The following SGK1 variants were observed in gnomAD, a reference collection of about 807,000 sequenced individuals.
SGK1 encodes the protein serum/glucocorticoid regulated kinase 1.
Under a neutral mutation model 64.2 loss-of-function variants are expected in SGK1, and 26 were observed. That is an observed-to-expected ratio of 0.40 (90% CI 0.30 to 0.56). The LOEUF (loss-of-function observed/expected upper bound fraction) is 0.56. Ranked by LOEUF, SGK1 falls within the 20% of genes least tolerant of loss-of-function variation. SGK1 has a pLI of 0.38. For missense variants in SGK1, 519 were observed against 645.6 expected (o/e 0.80, Z 2.12); for synonymous variants, 265 against 239.7 (o/e 1.11, Z -0.98).
intron 1 of SGK1, chr6:134,297,361 C>T (rs1345020196): frequency 3.3e-5 from 31 of 929,650 alleles, no homozygotes; most frequent in Admixed American, 5.3e-5. Context: ...GCCTCCAGCT[C>T]AGACAGCTTG....
At chr6:134,251,319 CTTCTT>C (rs1776602432) in intron 2 of SGK1, among the ~76,000 whole-genome samples, 1 of 152,056 alleles carries the variant, frequency 6.6e-6, no homozygotes, top group African/African-American at 2.4e-5. Flanking sequence ...CATACAAAGT[CTTCTT>C]TTAAAATTTT....
intron 1 of SGK1, among the ~76,000 whole-genome samples, chr6:134,268,606 C>CT (rs1320609724): frequency 6.9e-6 from 1 of 145,130 alleles, no homozygotes; most frequent in Non-Finnish European, 1.5e-5. Flanking sequence ...GCCTGTAGTC[C>CT]CAGCTACTCG....
intron 1 of SGK1, among the ~76,000 whole-genome samples, chr6:134,286,137 A>G (rs1209340138): frequency 1.3e-5 from 2 of 152,234 alleles, no homozygotes; most frequent in African/African-American, 4.8e-5. Flanking sequence ...CTATTTATAT[A>G]CAGGTGGTGG....
chr6:134,297,701 C>A lies in SGK1; in HGVS notation c.69+19691G>T, dbSNP rs1421299712. On this transcript the variant is annotated intron_variant, in intron 1 of 13. Transcript: ENST00000367858. Reference sequence around the variant, plus strand: ...TATTTTTAGTAGAGACAGGGTTTCACCCTGTTGGTCAGGCTGGTCTTGAAC... The same window carrying A: ...TATTTTTAGTAGAGACAGGGTTTCAACCTGTTGGTCAGGCTGGTCTTGAAC... The A allele has an allele frequency of 1.6e-5, 7 of 445,654 alleles. No individual in the cohort carries two copies. In the East Asian group the frequency reaches 3.2e-4, roughly 20 times the overall value. The allele number at this position is 445,654 out of a possible 1,614,324, so 27.6% of individuals were successfully genotyped here.
Position 134,317,701 on chromosome 6 carries a change from T to A in SGK1, c.-241A>T, listed in dbSNP as rs1582783569. 2 of 528,358 alleles carry A rather than the reference T, an allele frequency of 3.8e-6. No individual in the cohort carries two copies. The highest frequency in any genetic ancestry group is 2.5e-5 in the South Asian group (1 of 39,676). The allele number at this position is 528,358 out of a possible 1,614,324, so 32.7% of individuals were successfully genotyped here. On this transcript the variant is annotated 5_prime_UTR_variant, in exon 1 of 14. Transcript: ENST00000367858. ...CCTTCCATCATTGCTCCGAAACATA[T>A]GCATCACCGCTGCAGGACCCTGGGG...
intron 1 of SGK1, among the ~76,000 whole-genome samples, chr6:134,290,396 A>G (rs564812101): frequency 1.3e-5 from 2 of 151,654 alleles, no homozygotes; most frequent in African/African-American, 4.8e-5. Flanking sequence ...TGTGGAGTGT[A>G]CTTTTGTTTC....
chr6:134,181,214 A>G (rs1324430694), intron 3 of SGK1, among the ~76,000 whole-genome samples: 1 of 152,228 alleles, frequency 6.6e-6, no homozygotes, highest in Non-Finnish European at 1.5e-5. Flanking sequence ...CTTTATTTAC[A>G]AAGGGCCAAT....
chr6:134,296,220 A>C (rs1270611704), intron 1 of SGK1, among the ~76,000 whole-genome samples: 1 of 152,202 alleles, frequency 6.6e-6, no homozygotes, highest in Non-Finnish European at 1.5e-5. Flanking sequence ...CTGAGTTGTG[A>C]GTCACAAGGG....
chr6:134,281,564 C>G (rs1365185740), intron 1 of SGK1, among the ~76,000 whole-genome samples: 1 of 150,120 alleles, frequency 6.7e-6, no homozygotes, highest in Non-Finnish European at 1.5e-5. Context: ...GTCTCCCAGG[C>G]AGGAGTGCAG....
intron 1 of SGK1, among the ~76,000 whole-genome samples, chr6:134,295,179 T>C (rs1007779444): frequency 9.9e-5 from 15 of 152,154 alleles, no homozygotes; most frequent in Admixed American, 6.5e-5. Flanking sequence ...AGCTGGATAG[T>C]GCAGTTGGGG....
At chr6:134,245,213 G>T (rs1776508894) in intron 2 of SGK1, among the ~76,000 whole-genome samples, 1 of 152,232 alleles carries the variant, frequency 6.6e-6, no homozygotes, top group Admixed American at 6.5e-5. Context: ...GTGGACTAAA[G>T]GTGTGAGGCA....
intron 3 of SGK1, among the ~76,000 whole-genome samples, chr6:134,206,860 C>T (rs973701282): frequency 1.4e-5 from 2 of 142,112 alleles, no homozygotes; most frequent in African/African-American, 5.2e-5. Context: ...GAGCAAGACT[C>T]CGTCTCCAGA....
At chr6:134,249,146 A>G (rs1763522) in intron 2 of SGK1, among the ~76,000 whole-genome samples, 150,855 of 152,338 alleles carry the variant, frequency 0.99, 74,694 homozygotes, top group Middle Eastern at 1. Flanking sequence ...AACAAGGTCA[A>G]AGTCAGAAAC....
At chr6:134,285,197 G>A (rs374361222) in intron 1 of SGK1, among the ~76,000 whole-genome samples, 2 of 152,210 alleles carry the variant, frequency 1.3e-5, no homozygotes, top group East Asian at 1.9e-4. Context: ...GGTGGCTCAC[G>A]CCTGTAATCC....
intron 1 of SGK1, among the ~76,000 whole-genome samples, chr6:134,286,977 T>G (rs1316088064): frequency 6.6e-6 from 1 of 152,120 alleles, no homozygotes; most frequent in Non-Finnish European, 1.5e-5. Flanking sequence ...CTCTACAGTA[T>G]TTTCTTGGAG....
At chr6:134,265,073 G>A (rs1582751289) in intron 1 of SGK1, among the ~76,000 whole-genome samples, 1 of 152,334 alleles carries the variant, frequency 6.6e-6, no homozygotes, top group East Asian at 1.9e-4. Context: ...TATGAAGACT[G>A]TGAAAATATG....
intron 5 of SGK1, 114 bp downstream of exon 5, chr6:134,173,891 G>T: frequency 2.8e-6 from 2 of 712,090 alleles, no homozygotes; most frequent in Non-Finnish European, 4.8e-6. Flanking sequence ...CCATAATGAA[G>T]CATTCCTGCC....
At chr6:134,293,755 C>G (rs1203322824) in intron 1 of SGK1, among the ~76,000 whole-genome samples, 1 of 152,110 alleles carries the variant, frequency 6.6e-6, no homozygotes, top group Non-Finnish European at 1.5e-5. Context: ...ATCTGATTTA[C>G]AAAAACTAGT....
intron 2 of SGK1, among the ~76,000 whole-genome samples, chr6:134,223,695 TG>T (rs908925561): frequency 6.6e-6 from 1 of 152,242 alleles, no homozygotes; most frequent in African/African-American, 2.4e-5. Context: ...TGTTTAACTT[TG>T]TTTTAGCAAA....
Sources: gnomAD v4.1 joint callset for allele counts (sites outside exome capture counted in the v4.1 genomes callset) on GRCh38, gnomAD v4.1.1 for gene constraint, MANE v1.5 for transcripts, NCBI Gene and HGNC (gene_info 2026-07-23, HGNC 2026-07-21) for gene names.